RBM39: variants seen among roughly 807,000 people sequenced by gnomAD.
RBM39 encodes the protein RNA-binding protein 39.
RBM39 carries 12 observed loss-of-function variants against 79.6 expected under a neutral mutation model. The ratio of observed to expected loss-of-function variants is 0.15; its 90% CI spans 0.10 to 0.24. The LOEUF is 0.24. Ranked by LOEUF, RBM39 falls within the 10% of genes least tolerant of loss-of-function variation. The pLI is 1.00. For missense variants in RBM39, 243 were observed against 653.4 expected, an observed-to-expected ratio of 0.37 and a Z score of 6.85; for synonymous variants, 185 against 208.4, an observed-to-expected ratio of 0.89 and a Z score of 0.97.
chr20:35,714,004 T>C (rs1408336973), intron 11 of RBM39, 181 bp downstream of exon 11: 2 of 624,232 alleles, frequency 3.2e-6, no homozygotes, highest in Admixed American at 3.2e-5. Context: ...AAACACATAA[T>C]ATAGATTTCC....
intron 9 of RBM39, among the ~76,000 whole-genome samples, chr20:35,718,909 G>A (rs965025344): frequency 4.0e-5 from 6 of 151,612 alleles, no homozygotes; most frequent in Non-Finnish European, 8.8e-5. Flanking sequence ...GAACCTGGGA[G>A]GCAGAGGTTG....
intron 7 of RBM39, 115 bp downstream of exon 7, chr20:35,724,923 A>T (rs2038471814): frequency 1.5e-5 from 15 of 1,011,578 alleles, no homozygotes; most frequent in Non-Finnish European, 2.1e-5. Flanking sequence ...AAGAGGCAAA[A>T]TGGAAACATT....
intron 9 of RBM39, among the ~76,000 whole-genome samples, chr20:35,719,417 T>C (rs897990946): frequency 6.6e-6 from 1 of 152,070 alleles, no homozygotes; most frequent in Non-Finnish European, 1.5e-5. Context: ...AAACCTAAAA[T>C]GGGTCTGGGC....
chr20:35,707,779 G>T (rs779540193), intron 13 of RBM39: 1 of 257,508 alleles, frequency 3.9e-6, no homozygotes, highest in Non-Finnish European at 8.3e-6. Context: ...AAATGTTTTC[G>T]CACAATAAAA....
chr20:35,739,735 CA>C, intron 2 of RBM39: 1 of 328,352 alleles, frequency 3.0e-6, no homozygotes, highest in South Asian at 2.5e-5. Flanking sequence ...AGTAGCTCTT[CA>C]AGAGTCTAAG....
chr20:35,734,343 T>C (rs2039688286), intron 3 of RBM39: 1 of 715,866 alleles, frequency 1.4e-6, no homozygotes, highest in African/African-American at 1.9e-5. Context: ...ACTCATTATT[T>C]ATATAGAACT....
chr20:35,736,454 C>A, intron 3 of RBM39: 7 of 322,074 alleles, frequency 2.2e-5, no homozygotes, highest in South Asian at 5.3e-5. Context: ...AGTGGCTTAA[C>A]AAGCCCTGAA....
At chr20:35,711,031 T>G (rs1018780861) in intron 12 of RBM39, among the ~76,000 whole-genome samples, 6 of 152,032 alleles carry the variant, frequency 3.9e-5, no homozygotes, top group African/African-American at 1.2e-4. Context: ...ATAAAAGAAA[T>G]AAAGGCTAAC....
chr20:35,720,642 G>T (rs529445670), intron 9 of RBM39, among the ~76,000 whole-genome samples: 12 of 152,092 alleles, frequency 7.9e-5, no homozygotes, highest in Admixed American at 7.9e-4. Context: ...ATGATGGCAG[G>T]CACCTGTAAA....
At position 35,701,465 on chromosome 20, in the gene RBM39, A is replaced by G. The variant is rs1248093786; in HGVS notation, c.*3016T>C. On this transcript the variant is annotated 3_prime_UTR_variant, in exon 17 of 17. Coordinates refer to ENST00000253363, the MANE Select transcript of RBM39 (RefSeq NM_184234.3). ...GCCACCATGCCTAGCTAAATTTTGT[A>G]TTGTTAGGCTGGGCGCGGTGGCTTA... The G allele has an allele frequency of 6.5e-6, 1 of 153,438 alleles. No individual in the cohort carries two copies. Among genetic ancestry groups the G allele is most frequent in the African/African-American group, 2.4e-5 (1 of 41,374 alleles). The allele number at this position is 153,438 out of a possible 1,614,324, so 9.5% of individuals were successfully genotyped here. A position where few individuals can be genotyped will look rare whatever the true frequency, so the allele number is the denominator to read the frequency against.
In RBM39 at chr20:35,701,744, ACT is replaced by A. The variant is rs1458049159; in HGVS notation, c.*2735_*2736del. On this transcript the variant is annotated 3_prime_UTR_variant, in exon 17 of 17. Transcript: ENST00000253363. ...ACTCCAGCCTGGGCGACAGAGCGAGACTCTGTCTCAAAACAAAAAAAATTTGT... is the reference window on the plus strand; with the variant it reads ...ACTCCAGCCTGGGCGACAGAGCGAGACTGTCTCAAAACAAAAAAAATTTGT... 5.3e-5 allele frequency: 8 copies of A among 152,034 alleles called. No homozygotes were observed. Among genetic ancestry groups the A allele is most frequent in the South Asian group, 2.1e-4 (1 of 4,810 alleles). 9.4% of individuals were successfully genotyped at this position (152,034 alleles called of 1,614,324 possible). A position where few individuals can be genotyped will look rare whatever the true frequency, so the allele number is the denominator to read the frequency against.
chr20:35,715,690 TAGG>T (rs1466821515), intron 10 of RBM39, among the ~76,000 whole-genome samples: 3 of 152,038 alleles, frequency 2.0e-5, no homozygotes, highest in Non-Finnish European at 4.4e-5. Flanking sequence ...TAAAGGAAAA[TAGG>T]AACACAGTAA....
chr20:35,738,748 T>TG (rs1177153649), intron 3 of RBM39, among the ~76,000 whole-genome samples: 2 of 152,228 alleles, frequency 1.3e-5, no homozygotes, highest in African/African-American at 2.4e-5. Context: ...ATGATGGACT[T>TG]GGAGGGGAAG....
rs556048167 is a variant in RBM39, at chr20:35,720,824, T to C, written c.825+916A>G. 8.5e-5 allele frequency among the ~76,000 whole-genome samples: 13 copies of C among 152,290 alleles called. No homozygotes were observed. In the East Asian group the frequency reaches 2.5e-3, roughly 29 times the overall value. On this transcript the variant is annotated intron_variant, in intron 9 of 16. Transcript: ENST00000253363. Reference sequence around the variant, plus strand: ...TGGATCAGAAGTGGGTCACATACTGTTAGGCAGAACAGCCTTGCCAGAGGG... The same window carrying C: ...TGGATCAGAAGTGGGTCACATACTGCTAGGCAGAACAGCCTTGCCAGAGGG...
chr20:35,716,074 AT>A (rs1010118079), intron 10 of RBM39, among the ~76,000 whole-genome samples: 1 of 151,684 alleles, frequency 6.6e-6, no homozygotes, highest in African/African-American at 2.4e-5. Flanking sequence ...TTATAGTTTT[AT>A]TTTTTTTCAA....
intron 8 of RBM39, among the ~76,000 whole-genome samples, chr20:35,722,355 C>T (rs966323940): frequency 1.4e-5 from 2 of 147,642 alleles, no homozygotes; most frequent in African/African-American, 2.5e-5. Context: ...TGCAGTGAGA[C>T]GAGATCACAC....
chr20:35,734,332 C>T (rs777690193), intron 3 of RBM39: 23 of 832,372 alleles, frequency 2.8e-5, no homozygotes, highest in Non-Finnish European at 3.9e-5. Context: ...AATTAGGCTA[C>T]ACTCATTATT....
At chr20:35,726,322 G>A (rs2038685048) in intron 6 of RBM39, among the ~76,000 whole-genome samples, 1 of 151,950 alleles carries the variant, frequency 6.6e-6, no homozygotes, top group African/African-American at 2.4e-5. Flanking sequence ...TAGTAGACAT[G>A]GGATTCCACT....
intron 6 of RBM39, among the ~76,000 whole-genome samples, chr20:35,726,074 C>T (rs1202785200): frequency 1.3e-5 from 2 of 152,198 alleles, no homozygotes; most frequent in Non-Finnish European, 2.9e-5. Flanking sequence ...GTAATCACAT[C>T]TTACATGGCA....
Sources: allele counts gnomAD v4.1 joint callset (sites outside exome capture counted in the v4.1 genomes callset), GRCh38; gene constraint gnomAD v4.1.1; transcripts MANE v1.5; gene names NCBI Gene and HGNC (gene_info 2026-07-23, HGNC 2026-07-21).